The following PKD1L1 variants were observed in gnomAD, a reference collection of about 807,000 sequenced individuals.
PKD1L1 encodes polycystin-1-like protein 1.
In PKD1L1, 236 loss-of-function variants were observed where a neutral mutation model predicts 323.4. The ratio of observed to expected loss-of-function variants is 0.73; its 90% CI spans 0.66 to 0.81. The LOEUF is 0.81. Ranked by LOEUF, PKD1L1 falls within the 40% of genes least tolerant of loss-of-function variation. PKD1L1 has a pLI of 0.00. For synonymous variants in PKD1L1, 1,344 were observed against 1,335.0 expected, an observed-to-expected ratio of 1.01 and a Z score of -0.15; for missense variants, 3,320 against 3,508.0, an observed-to-expected ratio of 0.95 and a Z score of 1.35.
chr7:47,880,434 A>G (rs1383344743), intron 21 of PKD1L1, among the ~76,000 whole-genome samples: 1 of 150,430 alleles, frequency 6.6e-6, no homozygotes, highest in Non-Finnish European at 1.5e-5. Flanking sequence ...GGCACCCGCC[A>G]CCATGCCCGG....
chr7:47,881,757 C>T, intron 20 of PKD1L1, 152 bp downstream of exon 20: 1 of 741,682 alleles, frequency 1.3e-6, no homozygotes, highest in Non-Finnish European at 2.1e-6. Flanking sequence ...AGTCTCAGGC[C>T]ATAGTCCATA....
rs200024009 is a variant in PKD1L1 at position 47,870,182 on chromosome 7, C to CA, written c.3897-3569dup. 2.0e-3 allele frequency among the ~76,000 whole-genome samples: 141 copies of CA among 69,478 alleles called. 2 individuals are homozygous for CA. The highest frequency in any genetic ancestry group is 0.015 in the South Asian group (33 of 2,180). 45.6% of individuals were successfully genotyped at this position (69,478 alleles called of 152,430 possible). A position where few individuals can be genotyped will look rare whatever the true frequency, so the allele number is the denominator to read the frequency against. ...TTTTCACCTTAAGAAACAACAACAA[C>CA]AAAAAAAAACAAGAGCAAAGTAAAC... is the stretch of plus-strand genomic sequence containing the variant. On this transcript the variant is annotated intron_variant, in intron 24 of 56. Coordinates refer to ENST00000289672, the MANE Select transcript of PKD1L1 (RefSeq NM_138295.5).
In PKD1L1 at chr7:47,890,674, G is replaced by A; in HGVS notation, c.2543C>T (p.Thr848Ile). ...TAHQLDAAAPTVSFEAQWLSD... is the reference protein window; with the variant it reads ...TAHQLDAAAPIVSFEAQWLSD... ...GAGCCATTGTGCCTCAAAGGAAACA[G>A]TGGGAGCCGCGGCATCCAGTTGGTG... The change falls in exon 16 of 57, where the codon ACT (threonine) becomes ATT (isoleucine). Residue 848 changes from threonine (T) to isoleucine (I), a missense_variant. Transcript: ENST00000289672. 1 of 1,614,114 alleles carries A rather than the reference G, an allele frequency of 6.2e-7. No individual in the cohort carries two copies. The highest frequency in any genetic ancestry group is 8.5e-7 in the Non-Finnish European group (1 of 1,180,032).
At position 47,855,354 on chromosome 7, in the gene PKD1L1, C is replaced by CT. The variant is rs11441954; in HGVS notation, c.4591-90dup. On this transcript the variant is annotated intron_variant, in intron 28 of 56. Transcript: ENST00000289672. ...AGCAAACCAAAGTATCGTGGTGCTGCTATTACACTTACATAAAATTATATG... is the reference window on the plus strand; with the variant it reads ...AGCAAACCAAAGTATCGTGGTGCTGCTTATTACACTTACATAAAATTATATG... The CT allele has an allele frequency of 0.16, 137,856 of 856,136 alleles. 13,525 individuals are homozygous for CT. Among genetic ancestry groups the CT allele is most frequent in the African/African-American group, 0.37 (22,172 of 59,702 alleles). 53.0% of individuals were successfully genotyped at this position (856,136 alleles called of 1,614,324 possible). A position where few individuals can be genotyped will look rare whatever the true frequency, so the allele number is the denominator to read the frequency against.
At position 47,905,951 on chromosome 7, in the gene PKD1L1, T is replaced by A; in HGVS notation, c.1414A>T (p.Ile472Leu). 2 of 1,601,014 alleles carry A rather than the reference T, an allele frequency of 1.2e-6. No individual in the cohort carries two copies. Among genetic ancestry groups the A allele is most frequent in the Non-Finnish European group, 1.7e-6 (2 of 1,176,196 alleles). The change falls in exon 10 of 57, where the codon ATA (isoleucine) becomes TTA (leucine). Residue 472 changes from isoleucine to leucine, a missense_variant. Ile to Leu is a conservative substitution (Grantham distance 5, BLOSUM62 2). Coordinates refer to ENST00000289672, the MANE Select transcript of PKD1L1 (RefSeq NM_138295.5). Reference protein sequence around the residue: ...SQVNQKSTVVIHHFPSIPSYN... With the variant: ...SQVNQKSTVVLHHFPSIPSYN... ...GAAGGAATAGATGGAAAGTGATGTATAACCACAGTGCCTAAAATGAGAAAA... is the reference window on the plus strand; with the variant it reads ...GAAGGAATAGATGGAAAGTGATGTAAAACCACAGTGCCTAAAATGAGAAAA...
rs531483983 is a variant in PKD1L1 at position 47,783,630 on chromosome 7, C to A, written c.8527-8464G>T. 3.9e-4 allele frequency among the ~76,000 whole-genome samples: 59 copies of A among 152,082 alleles called. No homozygotes were observed. In the South Asian group the frequency reaches 0.01, roughly 26 times the overall value. ...TATAAAAAGAGAAAATTTGGACACCCAGGGAGAATGCCCTGTAAAAAAGAG... is the reference window on the plus strand; with the variant it reads ...TATAAAAAGAGAAAATTTGGACACCAAGGGAGAATGCCCTGTAAAAAAGAG... On this transcript the variant is annotated intron_variant, in intron 56 of 56. Coordinates refer to ENST00000289672, the MANE Select transcript of PKD1L1 (RefSeq NM_138295.5).
chr7:47,885,754 T>C lies in PKD1L1; in HGVS notation c.3137A>G (p.Lys1046Arg), dbSNP rs201632209. ...AGAGCGGCCAGTCATCAGGGATCCC[T>C]TGCTCTGTGGCCCTGGCTCTAGGTC... The part of the protein sequence containing the change: ...SLDLEPGPQS[K>R]GSLMTGRSER... Residue 1046 changes from lysine to arginine, a missense_variant, in exon 18 of 57, where the codon AAG (lysine) becomes AGG (arginine). Transcript: ENST00000289672. 3 of 1,614,158 alleles carry C rather than the reference T, an allele frequency of 1.9e-6. No homozygotes were observed. The African/African-American group carries it at 4.0e-5, about 22-fold the overall frequency.
intron 54 of PKD1L1, among the ~76,000 whole-genome samples, chr7:47,796,782 T>TCG (rs1368716166): frequency 6.7e-6 from 1 of 148,166 alleles, no homozygotes; most frequent in East Asian, 2.0e-4. Context: ...GGTCAGGAGA[T>TCG]TGAAACCATC....
In PKD1L1 at chr7:47,845,006, G is replaced by T. The variant is rs1226351383; in HGVS notation, c.5226C>A (p.Ser1742=). Residue 1742 remains serine (S), a synonymous_variant, in exon 33 of 57, where the codon TCC becomes TCA. Transcript: ENST00000289672. ...GAAATGGAACTTACCTCTGTAGCTT[G>T]GAAATGTCACTCACTTCAAAACTGG... ...LKASFEVSDI[S]KLQSHPENLL... 6.2e-7 allele frequency: 1 copy of T among 1,613,490 alleles called. No homozygotes were observed. Among genetic ancestry groups the T allele is most frequent in the South Asian group, 1.1e-5 (1 of 91,020 alleles).
the PKD1L1 span, among the ~76,000 whole-genome samples, chr7:47,958,337 A>G: frequency 6.6e-6 from 1 of 152,250 alleles, no homozygotes; most frequent in Non-Finnish European, 1.5e-5. Flanking sequence ...CATTTATTGA[A>G]AAGAAAGTAC....
chr7:47,910,139 C>G (rs1444434500), intron 8 of PKD1L1, among the ~76,000 whole-genome samples: 1 of 152,118 alleles, frequency 6.6e-6, no homozygotes, highest in Non-Finnish European at 1.5e-5. Context: ...AAATAGATAG[C>G]CATGCAGGTC....
chr7:47,905,362 A>G, intron 10 of PKD1L1, 37 bp from the exon 11 acceptor site: 1 of 1,597,424 alleles, frequency 6.3e-7, no homozygotes, highest in South Asian at 1.1e-5. Flanking sequence ...CTATGTCAAC[A>G]TAGGAGGGCT....
intron 54 of PKD1L1, among the ~76,000 whole-genome samples, chr7:47,798,109 G>C (rs893366490): frequency 6.6e-6 from 1 of 152,084 alleles, no homozygotes; most frequent in African/African-American, 2.4e-5. Context: ...AAAACATATT[G>C]AAAGGCAAAA....
intron 7 of PKD1L1, among the ~76,000 whole-genome samples, chr7:47,917,896 A>G (rs1431697540): frequency 1.3e-5 from 2 of 152,114 alleles, no homozygotes; most frequent in Non-Finnish European, 2.9e-5. Context: ...GGACCTATAA[A>G]ACAAAACTAC....
chr7:47,925,452 C>T (rs769611085), intron 7 of PKD1L1, among the ~76,000 whole-genome samples: 19 of 152,152 alleles, frequency 1.2e-4, no homozygotes, highest in Middle Eastern at 6.8e-3. Context: ...GTGGGAGACT[C>T]GTAAATATAA....
At position 47,835,232 on chromosome 7, in the gene PKD1L1, G is replaced by A. The variant is rs775807913; in HGVS notation, c.5955C>T (p.Asp1985=). The stretch of plus-strand genomic sequence containing the variant: ...TGAAGGATCCAAGGGTGGGGCTGAC[G>A]TCCAAGTGGGGCTGCAACAAAGCAA... ...AAGGQEQPHL[D]VSPTLGSFRV... Residue 1985 remains aspartate (D), a synonymous_variant, in exon 38 of 57, where the codon GAC becomes GAT. Transcript: ENST00000289672. 113 of 1,587,150 alleles carry A rather than the reference G, an allele frequency of 7.1e-5. No homozygotes were observed. The highest frequency in any genetic ancestry group is 2.7e-4 in the Admixed American group (14 of 51,296).
rs1786537564 is a variant in PKD1L1, at chr7:47,775,062, ACTAGGATGTCTG to A, written c.*69_*80del. 4 of 1,494,556 alleles carry A rather than the reference ACTAGGATGTCTG, an allele frequency of 2.7e-6. No individual in the cohort carries two copies. The East Asian group carries it at 9.1e-5, about 34-fold the overall frequency. The allele number at this position is 1,494,556 out of a possible 1,614,324, so 92.6% of individuals were successfully genotyped here. A position where few individuals can be genotyped will look rare whatever the true frequency, so the allele number is the denominator to read the frequency against. ...TACCTCAGCTCTTCTCACCTGCAAA[ACTAGGATGTCTG>A]CTAAAATTGGCTGTTGGGTGGGTTA... is the stretch of plus-strand genomic sequence containing the variant. On this transcript the variant is annotated 3_prime_UTR_variant, in exon 57 of 57. Coordinates refer to ENST00000289672, the MANE Select transcript of PKD1L1 (RefSeq NM_138295.5).
Position 47,905,918 on chromosome 7 carries a change from C to T in PKD1L1, c.1447G>A (p.Val483Met), listed in dbSNP as rs754524171. ...ACTTGAGTCTGAGAAATAAAGGACA[C>T]GTTATATGAAGGAATAGATGGAAAG... ...HHFPSIPSYN[V>M]SFISQTQVGD... Residue 483 changes from valine (V) to methionine (M), a missense_variant, in exon 10 of 57, where the codon GTG becomes ATG. By Grantham distance (21) the Val-to-Met change is conservative. Transcript: ENST00000289672. 58 of 1,612,320 alleles carry T rather than the reference C, an allele frequency of 3.6e-5. No individual in the cohort carries two copies. The highest frequency in any genetic ancestry group is 5.4e-5 in the African/African-American group (4 of 74,716).
intron 45 of PKD1L1, among the ~76,000 whole-genome samples, chr7:47,823,296 A>T (rs1239101736): frequency 6.6e-6 from 1 of 152,102 alleles, no homozygotes; most frequent in Non-Finnish European, 1.5e-5. Context: ...ATTAATGTTG[A>T]ATTTTATCAA....
Sources: allele counts gnomAD v4.1 joint callset (sites outside exome capture counted in the v4.1 genomes callset), GRCh38; gene constraint gnomAD v4.1.1; transcripts MANE v1.5; gene names NCBI Gene and HGNC (gene_info 2026-07-23, HGNC 2026-07-21).